The following PTGER4 variants were observed in gnomAD, a reference collection of about 807,000 sequenced individuals.
PTGER4 encodes the protein prostaglandin E receptor 4, also known as prostaglandin E2 receptor EP4 subtype.
Under a neutral mutation model 33.2 loss-of-function variants are expected in PTGER4, and 11 were observed. The observed-to-expected ratio is 0.33, with a 90% CI of 0.21 to 0.55. PTGER4 has a LOEUF of 0.55. PTGER4 is among the 20% of genes least tolerant of loss of function. PTGER4 has a pLI of 0.92. For missense variants in PTGER4, 481 were observed against 650.2 expected, an observed-to-expected ratio of 0.74 and a Z score of 2.83; for synonymous variants, 275 against 281.5, an observed-to-expected ratio of 0.98 and a Z score of 0.23.
the PTGER4 span, among the ~76,000 whole-genome samples, chr5:40,729,144 A>G: frequency 6.6e-6 from 1 of 152,196 alleles, no homozygotes; most frequent in African/African-American, 2.4e-5. Flanking sequence ...AGTCTTCATA[A>G]AGCTTGCCAC....
At chr5:40,713,778 T>C in the PTGER4 span, among the ~76,000 whole-genome samples, 1 of 152,182 alleles carries the variant, frequency 6.6e-6, no homozygotes, top group African/African-American at 2.4e-5. Flanking sequence ...TAAACATCTA[T>C]ATCATTATCA....
At chr5:40,713,632 G>A in the PTGER4 span, among the ~76,000 whole-genome samples, 1 of 152,108 alleles carries the variant, frequency 6.6e-6, no homozygotes, top group African/African-American at 2.4e-5. Context: ...TATGATTCTT[G>A]TGTTATCAGG....
Position 40,683,672 on chromosome 5 carries a change from C to G in PTGER4, c.867+1812C>G, listed in dbSNP as rs1386751893. Among the ~76,000 whole-genome samples, 2 of 152,320 alleles carry G rather than the reference C, an allele frequency of 1.3e-5. No individual in the cohort carries two copies. The highest frequency in any genetic ancestry group is 3.9e-4 in the East Asian group (2 of 5,188). Reference sequence around the variant, plus strand: ...GCATGTAAAGCTATGGATTTCTGCACAGCCACGGATGAATTATTTTCTTCC... The same window carrying G: ...GCATGTAAAGCTATGGATTTCTGCAGAGCCACGGATGAATTATTTTCTTCC... On this transcript the variant is annotated intron_variant, in intron 2 of 2. Transcript: ENST00000302472. The surrounding 1 kb of genome is among the most constrained non-coding windows in gnomAD (Gnocchi z 4.2).
chr5:40,685,064 C>G (rs1025611565), intron 2 of PTGER4, among the ~76,000 whole-genome samples: 1 of 152,094 alleles, frequency 6.6e-6, no homozygotes, highest in Non-Finnish European at 1.5e-5. Context: ...TGCCTTAGGG[C>G]TAAACAGTTA....
At chr5:40,698,844 A>G in the PTGER4 span, among the ~76,000 whole-genome samples, 20 of 152,214 alleles carry the variant, frequency 1.3e-4, no homozygotes, top group Non-Finnish European at 8.8e-5. Context: ...TTGATGAGGG[A>G]AAGTTTTTCT....
rs756561073 is a variant in PTGER4 at position 40,681,573 on chromosome 5, T to C, written c.580T>C (p.Phe194Leu). 14 of 1,610,734 alleles carry C rather than the reference T, an allele frequency of 8.7e-6. No homozygotes were observed. Among genetic ancestry groups the C allele is most frequent in the Admixed American group, 1.7e-5 (1 of 60,036 alleles). ...YSYMYAGFSS[F>L]LILATVLCNV... ...CTACATGTACGCGGGCTTCAGCTCC[T>C]TCCTCATTCTCGCCACCGTCCTCTG... Residue 194 changes from phenylalanine to leucine, a missense_variant, in exon 2 of 3, where the codon TTC (phenylalanine) becomes CTC (leucine). Coordinates refer to ENST00000302472, the MANE Select transcript of PTGER4 (RefSeq NM_000958.3). This position sits in a 1 kb window ranked among gnomAD's most constrained non-coding sequence, Gnocchi z 9.8.
intron 2 of PTGER4, among the ~76,000 whole-genome samples, chr5:40,690,525 C>G (rs1741441907): frequency 1.3e-5 from 2 of 152,174 alleles, no homozygotes; most frequent in Non-Finnish European, 2.9e-5. Context: ...TGATGTCTTT[C>G]CTTCTAAATT....
At chr5:40,707,067 G>A in the PTGER4 span, among the ~76,000 whole-genome samples, 1 of 152,162 alleles carries the variant, frequency 6.6e-6, no homozygotes, top group Non-Finnish European at 1.5e-5. Flanking sequence ...ACCAGCCACT[G>A]CAAAAACATG....
the PTGER4 span, among the ~76,000 whole-genome samples, chr5:40,705,788 G>C: frequency 6.6e-6 from 1 of 152,284 alleles, no homozygotes; most frequent in African/African-American, 2.4e-5. Context: ...TCTCACACTA[G>C]TCAGAATGGC....
the PTGER4 span, among the ~76,000 whole-genome samples, chr5:40,739,444 A>G: frequency 2.0e-5 from 3 of 152,176 alleles, no homozygotes; most frequent in African/African-American, 7.2e-5. Context: ...TGTAATCCCC[A>G]GTGTTAAAGG....
the PTGER4 span, among the ~76,000 whole-genome samples, chr5:40,731,402 G>T: frequency 6.6e-6 from 1 of 151,958 alleles, no homozygotes; most frequent in African/African-American, 2.4e-5. Context: ...TCACTCTCAC[G>T]CTGCAATAAA....
chr5:40,720,947 A>G, the PTGER4 span, among the ~76,000 whole-genome samples: 1 of 152,168 alleles, frequency 6.6e-6, no homozygotes, highest in Admixed American at 6.5e-5. Context: ...TTTTTGGACC[A>G]CTGTTAAAAC....
At chr5:40,742,511 G>T in the PTGER4 span, among the ~76,000 whole-genome samples, 1 of 152,152 alleles carries the variant, frequency 6.6e-6, no homozygotes, top group Non-Finnish European at 1.5e-5. Flanking sequence ...GTCAACAGCA[G>T]AACTAGGATA....
the PTGER4 span, among the ~76,000 whole-genome samples, chr5:40,709,913 A>T: frequency 3.9e-5 from 6 of 152,374 alleles, no homozygotes; most frequent in African/African-American, 1.4e-4. Context: ...TACACCTTAT[A>T]CAAAAATTAA....
chr5:40,719,048 T>C, the PTGER4 span, among the ~76,000 whole-genome samples: 1 of 152,214 alleles, frequency 6.6e-6, no homozygotes, highest in Non-Finnish European at 1.5e-5. Context: ...TTAGGAAACA[T>C]TAAAAGGTAT....
chr5:40,725,409 A>G, the PTGER4 span, among the ~76,000 whole-genome samples: 2 of 152,206 alleles, frequency 1.3e-5, no homozygotes, highest in African/African-American at 4.8e-5. Context: ...TGCAACTGAA[A>G]TTTCTAATTA....
At chr5:40,710,145 C>A in the PTGER4 span, among the ~76,000 whole-genome samples, 17 of 152,224 alleles carry the variant, frequency 1.1e-4, no homozygotes, top group Non-Finnish European at 1.6e-4. Context: ...AGGCAACCTA[C>A]AAAATGGGAG....
At chr5:40,740,458 T>C in the PTGER4 span, among the ~76,000 whole-genome samples, 1 of 152,154 alleles carries the variant, frequency 6.6e-6, no homozygotes, top group Non-Finnish European at 1.5e-5. Context: ...CAAAACTAAA[T>C]GATGTCATTC....
rs767396575 is a variant in PTGER4 at position 40,692,507 on chromosome 5, C to G, written c.*129C>G. ...TCCTACAACTCACATTAGAGAACAT[C>G]CTGGCTTTTGAGCACTTTTCAAACA... On this transcript the variant is annotated 3_prime_UTR_variant, in exon 3 of 3. Transcript: ENST00000302472. The G allele has an allele frequency of 4.6e-5, 68 of 1,473,788 alleles. No individual in the cohort carries two copies. The Admixed American group carries it at 1.1e-3, about 23-fold the overall frequency. The allele number at this position is 1,473,788 out of a possible 1,614,324, so 91.3% of individuals were successfully genotyped here. A position where few individuals can be genotyped will look rare whatever the true frequency, so the allele number is the denominator to read the frequency against.
Sources: allele counts gnomAD v4.1 joint callset (sites outside exome capture counted in the v4.1 genomes callset), GRCh38; gene constraint gnomAD v4.1.1; non-coding constraint Gnocchi (gnomAD v3.1); transcripts MANE v1.5; gene names NCBI Gene and HGNC (gene_info 2026-07-23, HGNC 2026-07-21).